The following TIAL1 variants were observed in gnomAD, a reference collection of about 807,000 sequenced individuals.
TIAL1 encodes nucleolysin TIAR.
In TIAL1, 7 loss-of-function variants were observed where a neutral mutation model predicts 59.7. That is an observed-to-expected ratio of 0.12 (90% CI 0.07 to 0.22). TIAL1 has a LOEUF of 0.22. TIAL1 is among the 10% of genes least tolerant of loss of function. TIAL1 has a pLI of 1.00. For synonymous variants in TIAL1, 149 were observed against 146.3 expected (o/e 1.02, Z -0.13); for missense variants, 225 against 462.5 (o/e 0.49, Z 4.71).
intron 7 of TIAL1, among the ~76,000 whole-genome samples, chr10:119,577,991 C>T (rs558974633): frequency 6.6e-6 from 1 of 152,124 alleles, no homozygotes; most frequent in South Asian, 2.1e-4. Context: ...CTTTGGGAGG[C>T]TGAGGCAGGT....
chr10:119,577,622 A>G lies in TIAL1; in HGVS notation c.652+19T>C. On this transcript the variant is annotated intron_variant, in intron 8 of 11. Coordinates refer to ENST00000436547, the MANE Select transcript of TIAL1 (RefSeq NM_003252.4). ...GTGATGAAGCTCCTCAGAGGTGATT[A>G]GAAAACCAAACATTGTACCTGTTAA... is the stretch of plus-strand genomic sequence containing the variant. The G allele has an allele frequency of 6.2e-7, 1 of 1,612,102 alleles. No individual in the cohort carries two copies. The highest frequency in any genetic ancestry group is 8.5e-7 in the Non-Finnish European group (1 of 1,178,142).
At chr10:119,590,808 GAAAGAAA>G in intron 1 of TIAL1, among the ~76,000 whole-genome samples, 1 of 142,074 alleles carries the variant, frequency 7.0e-6, no homozygotes, top group Admixed American at 6.9e-5. Flanking sequence ...AAGAAAGAAA[GAAAGAAA>G]GAAAGAAACG....
chr10:119,582,643 A>G lies in TIAL1; in HGVS notation c.130-86T>C. ...AAATCCAGGAAAAAACATTACTGAT[A>G]GCTGGGAATATACAAGGTGAGACTG... On this transcript the variant is annotated intron_variant, in intron 2 of 11. Transcript: ENST00000436547. This position sits in a 1 kb window ranked among gnomAD's most constrained non-coding sequence, Gnocchi z 5.1. 1 of 1,572,774 alleles carries G rather than the reference A, an allele frequency of 6.4e-7. No homozygotes were observed. Among genetic ancestry groups the G allele is most frequent in the Non-Finnish European group, 8.6e-7 (1 of 1,164,398 alleles).
chr10:119,580,655 G>GT (rs969435027), intron 5 of TIAL1: 4 of 994,700 alleles, frequency 4.0e-6, no homozygotes, highest in African/African-American at 3.5e-5. Context: ...ATTTTAGTGA[G>GT]TAAGTTAAAT....
At chr10:119,584,882 G>A (rs749043602) in intron 2 of TIAL1, among the ~76,000 whole-genome samples, 10 of 151,842 alleles carry the variant, frequency 6.6e-5, no homozygotes, top group African/African-American at 1.9e-4. Context: ...CGAGGTGGGC[G>A]GTTCACGAGG....
rs573756544 is a variant in TIAL1 at position 119,586,674 on chromosome 10, T to C, written c.129+1478A>G. 5.3e-4 allele frequency among the ~76,000 whole-genome samples: 80 copies of C among 152,362 alleles called. 1 individual carries two copies. Among genetic ancestry groups the C allele is most frequent in the African/African-American group, 1.8e-3 (75 of 41,582 alleles). ...AATGTCCTGTGATTCTGAATCCTGC[T>C]GTTAGACTCATTTCCCTTAACTCCC... On this transcript the variant is annotated intron_variant, in intron 2 of 11. Coordinates refer to ENST00000436547, the MANE Select transcript of TIAL1 (RefSeq NM_003252.4).
chr10:119,576,867 G>T, intron 10 of TIAL1, 117 bp from the exon 11 acceptor site: 1 of 1,421,174 alleles, frequency 7.0e-7, no homozygotes, highest in Non-Finnish European at 9.5e-7. Flanking sequence ...ATAGGACTCT[G>T]TTATTTATCA....
intron 10 of TIAL1, 57 bp downstream of exon 10, chr10:119,577,023 C>T (rs1308160321): frequency 1.3e-6 from 2 of 1,594,270 alleles, no homozygotes; most frequent in Non-Finnish European, 1.7e-6. Flanking sequence ...GTTTCCAAAG[C>T]TTTTATGTGA....
At position 119,575,444 on chromosome 10, in the gene TIAL1, C is replaced by G. The variant is rs1844940156; in HGVS notation, c.*221G>C. 1 of 416,684 alleles carries G rather than the reference C, an allele frequency of 2.4e-6. No individual in the cohort carries two copies. Among genetic ancestry groups the G allele is most frequent in the East Asian group, 4.7e-5 (1 of 21,382 alleles). The allele number at this position is 416,684 out of a possible 1,614,324, so 25.8% of individuals were successfully genotyped here. A position where few individuals can be genotyped will look rare whatever the true frequency, so the allele number is the denominator to read the frequency against. On this transcript the variant is annotated 3_prime_UTR_variant, in exon 12 of 12. Transcript: ENST00000436547. Reference sequence around the variant, plus strand: ...TATTGACTTTATTTTAGTTTTTGTACATAAAGAAAAATCATGTTCATATCC... The same window carrying G: ...TATTGACTTTATTTTAGTTTTTGTAGATAAAGAAAAATCATGTTCATATCC...
In TIAL1 at chr10:119,575,616, A is replaced by G; in HGVS notation, c.*49T>C. 6.2e-7 allele frequency: 1 copy of G among 1,607,092 alleles called. No individual in the cohort carries two copies. The highest frequency in any genetic ancestry group is 1.7e-5 in the Admixed American group (1 of 59,654). On this transcript the variant is annotated 3_prime_UTR_variant, in exon 12 of 12. Transcript: ENST00000436547. ...TACTTTCATGTCTTCAGAGTGTCAC[A>G]GGAAATCGAAGCCTATCATGAATTA...
chr10:119,581,882 G>T, intron 5 of TIAL1, 40 bp downstream of exon 5: 1 of 1,391,330 alleles, frequency 7.2e-7, no homozygotes, highest in Non-Finnish European at 1.0e-6. Context: ...ATACAATTCT[G>T]CCTATCATGA....
Position 119,596,458 on chromosome 10 carries a change from T to G in TIAL1, c.8A>C (p.Glu3Ala). 1 of 1,503,176 alleles carries G rather than the reference T, an allele frequency of 6.7e-7. No homozygotes were observed. Among genetic ancestry groups the G allele is most frequent in the Non-Finnish European group, 8.9e-7 (1 of 1,117,460 alleles). 93.1% of individuals were successfully genotyped at this position (1,503,176 alleles called of 1,614,324 possible). A position where few individuals can be genotyped will look rare whatever the true frequency, so the allele number is the denominator to read the frequency against. ...CAGAGTCCGGGGCTGCCCGTCGTCT[T>G]CCATCATGGTGGGTGCGACGGAGCG... MM[E>A]DDGQPRTLYV... Residue 3 changes from glutamate (E) to alanine (A), a missense_variant, in exon 1 of 12, where the codon GAA becomes GCA. This residue lies in a region of TIAL1 where 39 missense variants were observed against 59.5 expected (regional missense o/e 0.66). Coordinates refer to ENST00000436547, the MANE Select transcript of TIAL1 (RefSeq NM_003252.4).
intron 2 of TIAL1, among the ~76,000 whole-genome samples, chr10:119,586,098 C>T (rs945592165): frequency 6.6e-6 from 1 of 152,174 alleles, no homozygotes; most frequent in African/African-American, 2.4e-5. Context: ...GCTTCAGCAC[C>T]GGTCTCTCTA....
chr10:119,586,437 C>T (rs11199028), intron 2 of TIAL1, among the ~76,000 whole-genome samples: 28,438 of 152,134 alleles, frequency 0.19, 2,942 homozygotes, highest in East Asian at 0.49. Flanking sequence ...AATAAGCCTC[C>T]ATCATCTCTT....
rs1845272147 is a variant in TIAL1, at chr10:119,580,942, C to T, written c.372-932G>A. 6 of 505,514 alleles carry T rather than the reference C, an allele frequency of 1.2e-5. No homozygotes were observed. The South Asian group carries it at 2.2e-4, about 19-fold the overall frequency. The allele number at this position is 505,514 out of a possible 1,614,324, so 31.3% of individuals were successfully genotyped here. A position where few individuals can be genotyped will look rare whatever the true frequency, so the allele number is the denominator to read the frequency against. On this transcript the variant is annotated intron_variant, in intron 5 of 11. Coordinates refer to ENST00000436547, the MANE Select transcript of TIAL1 (RefSeq NM_003252.4). The stretch of plus-strand genomic sequence containing the variant: ...ATAAATAAAGATTGAAAAACAGCAA[C>T]CTGTATTATTTTTATATTGATTTTT...
chr10:119,590,762 GAGAAAGAAAGAAAGAA>G (rs60594014), intron 1 of TIAL1, among the ~76,000 whole-genome samples: 1,628 of 125,388 alleles, frequency 0.013, 13 homozygotes, highest in African/African-American at 0.025. Flanking sequence ...GAGAGAAAGA[GAGAAAGAAAGAAAGAA>G]AGAAAGAAAG....
intron 2 of TIAL1, among the ~76,000 whole-genome samples, chr10:119,584,706 G>A (rs1047934787): frequency 9.2e-5 from 14 of 152,138 alleles, no homozygotes; most frequent in Admixed American, 7.9e-4. Context: ...GCGGGCGCCT[G>A]TAATCCCAGC....
Position 119,596,439 on chromosome 10 carries a change from C to T in TIAL1, c.27G>A (p.Arg9=), listed in dbSNP as rs150329638. The change falls in exon 1 of 12, where the codon CGG becomes CGA. Residue 9 remains arginine (R), a synonymous_variant. Transcript: ENST00000436547. ...CCCTCGTCTCGGGTACTCACAGAGT[C>T]CGGGGCTGCCCGTCGTCTTCCATCA... MMEDDGQP[R]TLYVGNLSRD... 129 of 1,488,286 alleles carry T rather than the reference C, an allele frequency of 8.7e-5. 1 individual carries two copies. The African/African-American group carries it at 1.6e-3, about 19-fold the overall frequency. The allele number at this position is 1,488,286 out of a possible 1,614,324, so 92.2% of individuals were successfully genotyped here. A position where few individuals can be genotyped will look rare whatever the true frequency, so the allele number is the denominator to read the frequency against.
chr10:119,582,950 A>G lies in TIAL1; in HGVS notation c.130-393T>C, dbSNP rs1845369356. ...TTTTTAAATTACGTTCTACTTATGC[A>G]TCATAATCCTCTATAAGTGGTATCC... On this transcript the variant is annotated intron_variant, in intron 2 of 11. Coordinates refer to ENST00000436547, the MANE Select transcript of TIAL1 (RefSeq NM_003252.4). The surrounding 1 kb of genome is among the most constrained non-coding windows in gnomAD (Gnocchi z 5.1). Among the ~76,000 whole-genome samples, 1 of 152,166 alleles carries G rather than the reference A, an allele frequency of 6.6e-6. No homozygotes were observed. Among genetic ancestry groups the G allele is most frequent in the African/African-American group, 2.4e-5 (1 of 41,458 alleles).
Sources: allele counts gnomAD v4.1 joint callset (sites outside exome capture counted in the v4.1 genomes callset), GRCh38; gene constraint gnomAD v4.1.1; regional missense constraint gnomAD v4.1.1; non-coding constraint Gnocchi (gnomAD v3.1); transcripts MANE v1.5; gene names NCBI Gene and HGNC (gene_info 2026-07-23, HGNC 2026-07-21).